TMEM236: variants seen among roughly 807,000 people sequenced by gnomAD.
The protein encoded by TMEM236 is family with sequence similarity 23, member A.
Under a neutral mutation model 14.7 loss-of-function variants are expected in TMEM236, and 11 were observed. The ratio of observed to expected loss-of-function variants is 0.75; its 90% CI spans 0.47 to 1.24. The LOEUF (loss-of-function observed/expected upper bound fraction) is 1.24, where lower values mean the gene tolerates loss of function less well. TMEM236 is among the 50% of genes most tolerant of loss of function. TMEM236 has a pLI of 0.00. For missense variants in TMEM236, 464 were observed against 427.3 expected, an observed-to-expected ratio of 1.09 and a Z score of -0.76; for synonymous variants, 182 against 168.6, an observed-to-expected ratio of 1.08 and a Z score of -0.62.
intron 2 of TMEM236, among the ~76,000 whole-genome samples, chr10:17,774,848 A>G (rs1172789230): frequency 1.4e-5 from 2 of 139,812 alleles, no homozygotes; most frequent in African/African-American, 5.3e-5. Flanking sequence ...TGCCCAGGCC[A>G]GTGCAATGGC....
intron 1 of TMEM236, 30 bp from the exon 2 acceptor site, chr10:17,771,279 T>G (rs782663383): frequency 1.4e-5 from 23 of 1,604,530 alleles, no homozygotes; most frequent in Non-Finnish European, 1.8e-5. Context: ...TGTCCATGAT[T>G]GCTTTGGCTT....
At chr10:17,776,350 A>ATAGC (rs1362818559) in intron 3 of TMEM236, among the ~76,000 whole-genome samples, 180 bp downstream of exon 3, 1 of 152,240 alleles carries the variant, frequency 6.6e-6, no homozygotes, top group Non-Finnish European at 1.5e-5. Context: ...TGATAGCTAG[A>ATAGC]TAGCTGCTTT....
intron 3 of TMEM236, among the ~76,000 whole-genome samples, chr10:17,783,808 A>C (rs1235643386): frequency 6.6e-6 from 1 of 152,198 alleles, no homozygotes; most frequent in Non-Finnish European, 1.5e-5. Context: ...TAGGCAAAAT[A>C]GTAGTAGTTG....
intron 1 of TMEM236, among the ~76,000 whole-genome samples, chr10:17,767,229 G>A (rs977102952): frequency 6.6e-5 from 10 of 152,128 alleles, no homozygotes; most frequent in South Asian, 2.1e-4. Context: ...TTGGGAGGCC[G>A]AGGTGGGTGG....
Position 17,790,060 on chromosome 10 carries a change from G to A in TMEM236, c.473-5861G>A, listed in dbSNP as rs1418543908. Among the ~76,000 whole-genome samples the A allele has an allele frequency of 5.3e-5, 8 of 151,432 alleles. No homozygotes were observed. The East Asian group carries it at 1.2e-3, about 22-fold the overall frequency. ...AGAATAAAACAAAAAAACAAAAAAC[G>A]AACAAAACAAAACAAAAAAATGAGC... On this transcript the variant is annotated intron_variant, in intron 3 of 3. Coordinates refer to ENST00000377495, the MANE Select transcript of TMEM236 (RefSeq NM_001098844.3).
chr10:17,779,609 C>T (rs1230373683), intron 3 of TMEM236, among the ~76,000 whole-genome samples: 3 of 152,086 alleles, frequency 2.0e-5, no homozygotes, highest in Admixed American at 6.5e-5. Flanking sequence ...TGGGGTTTCA[C>T]CCTGTTGGCC....
At chr10:17,755,773 G>A (rs1837276427) in intron 1 of TMEM236, among the ~76,000 whole-genome samples, 1 of 152,160 alleles carries the variant, frequency 6.6e-6, no homozygotes, top group East Asian at 1.9e-4. Context: ...CACAGCCCAG[G>A]AAGAAGCTCT....
chr10:17,782,996 T>C (rs1163040472), intron 3 of TMEM236, among the ~76,000 whole-genome samples: 2 of 152,128 alleles, frequency 1.3e-5, no homozygotes, highest in Non-Finnish European at 2.9e-5. Flanking sequence ...AGACAAGTCA[T>C]GGTTAAAGCA....
intron 2 of TMEM236, among the ~76,000 whole-genome samples, chr10:17,775,656 T>C (rs1488670870): frequency 1.3e-5 from 2 of 152,364 alleles, no homozygotes; most frequent in African/African-American, 4.8e-5. Flanking sequence ...TTCTGTCTTC[T>C]TGGAAGACTC....
chr10:17,798,408 C>A lies in TMEM236; in HGVS notation c.*1904C>A. 1 of 376,340 alleles carries A rather than the reference C, an allele frequency of 2.7e-6. No homozygotes were observed. Among genetic ancestry groups the A allele is most frequent in the Non-Finnish European group, 5.2e-6 (1 of 190,762 alleles). 23.3% of individuals were successfully genotyped at this position (376,340 alleles called of 1,614,324 possible). The stretch of plus-strand genomic sequence containing the variant: ...ACAAAAATTAGCTGGGCATGGTGAT[C>A]TGCAACTATAGTCCCAGCTACTTAG... On this transcript the variant is annotated 3_prime_UTR_variant, in exon 4 of 4. Transcript: ENST00000377495.
chr10:17,752,686 C>T, intron 1 of TMEM236, 134 bp downstream of exon 1: 1 of 872,230 alleles, frequency 1.1e-6, no homozygotes, highest in Non-Finnish European at 1.9e-6. Context: ...CCTGCCTCAG[C>T]CTCCTGAGTA....
At chr10:17,795,289 G>C (rs1456801153) in intron 3 of TMEM236, among the ~76,000 whole-genome samples, 1 of 152,124 alleles carries the variant, frequency 6.6e-6, no homozygotes, top group Non-Finnish European at 1.5e-5. Context: ...GTCAATTGGA[G>C]TCAAACAAAT....
chr10:17,752,990 A>T (rs919744361), intron 1 of TMEM236, among the ~76,000 whole-genome samples: 1 of 152,144 alleles, frequency 6.6e-6, no homozygotes, highest in African/African-American at 2.4e-5. Flanking sequence ...GGTTTGTTAC[A>T]TAAGTTAACT....
rs957100983 is a variant in TMEM236, at chr10:17,795,975, C to G, written c.527C>G (p.Thr176Arg). The G allele has an allele frequency of 1.2e-6, 2 of 1,613,716 alleles. No homozygotes were observed. The highest frequency in any genetic ancestry group is 4.5e-5 in the East Asian group (2 of 44,882). The change falls in exon 4 of 4, where the codon ACG (threonine) becomes AGG (arginine). Residue 176 changes from threonine to arginine, a missense_variant. Physicochemically the swap from Thr to Arg is moderately conservative, Grantham distance 71 (BLOSUM62 -1). Coordinates refer to ENST00000377495, the MANE Select transcript of TMEM236 (RefSeq NM_001098844.3). Reference sequence around the variant, plus strand: ...TCTTTGCAACACATAAAAACTGTGACGGAGCAAGTGAGGCAAAGTCCAGAA... The same window carrying G: ...TCTTTGCAACACATAAAAACTGTGAGGGAGCAAGTGAGGCAAAGTCCAGAA... ...STSLQHIKTV[T>R]EQVRQSPENA...
At chr10:17,785,935 C>T (rs34597459) in intron 3 of TMEM236, among the ~76,000 whole-genome samples, 55,206 of 151,900 alleles carry the variant, frequency 0.36, 10,541 homozygotes, top group Middle Eastern at 0.53. Context: ...TGGATTAGAC[C>T]CATGAGATTG....
At chr10:17,773,943 G>T (rs1837615640) in intron 2 of TMEM236, among the ~76,000 whole-genome samples, 1 of 152,082 alleles carries the variant, frequency 6.6e-6, no homozygotes, top group Non-Finnish European at 1.5e-5. Context: ...TTCCTTTATG[G>T]ATAGTGCTTG....
intron 2 of TMEM236, among the ~76,000 whole-genome samples, chr10:17,775,466 G>T (rs1229899119): frequency 6.6e-6 from 1 of 152,074 alleles, no homozygotes; most frequent in East Asian, 1.9e-4. Context: ...ATAGACTTGG[G>T]TTCTGGCCTT....
chr10:17,786,466 C>A (rs1200381079), intron 3 of TMEM236, among the ~76,000 whole-genome samples: 1 of 152,202 alleles, frequency 6.6e-6, no homozygotes, highest in Admixed American at 6.5e-5. Flanking sequence ...TCAAGTGATC[C>A]TCCTGCCTCG....
intron 3 of TMEM236, among the ~76,000 whole-genome samples, chr10:17,783,215 A>G (rs1210955768): frequency 6.6e-6 from 1 of 152,186 alleles, no homozygotes; most frequent in Non-Finnish European, 1.5e-5. Flanking sequence ...CAGACTCCTC[A>G]GCAAGAACAC....
Sources: allele counts gnomAD v4.1 joint callset (sites outside exome capture counted in the v4.1 genomes callset), GRCh38; gene constraint gnomAD v4.1.1; transcripts MANE v1.5; gene names NCBI Gene and HGNC (gene_info 2026-07-23, HGNC 2026-07-21).